Variants in ELMOD1 observed in about 807,000 individuals in gnomAD.
ELMOD1 encodes ELMO domain containing 1, also known as ELMO domain-containing protein 1.
In ELMOD1, 21 loss-of-function variants were observed where a neutral mutation model predicts 46.7. That is an observed-to-expected ratio of 0.45 (90% CI 0.32 to 0.65). ELMOD1 has a LOEUF of 0.65. Ranked by LOEUF, ELMOD1 falls within the 30% of genes least tolerant of loss-of-function variation. The pLI is 0.04. For synonymous variants in ELMOD1, 122 were observed against 138.2 expected (o/e 0.88, Z 0.82); for missense variants, 348 against 407.8 (o/e 0.85, Z 1.26).
rs1866506671 is a variant in ELMOD1, at chr11:107,650,416, A to C, written c.623+13A>C. ...ATCCGAAATGCAGGTAATTGTTGAA[A>C]GTAAAAGATGAATTAGGTTTTATGG... On this transcript the variant is annotated intron_variant, in intron 8 of 11. Coordinates refer to ENST00000265840, the MANE Select transcript of ELMOD1 (RefSeq NM_018712.4). 3 of 1,559,942 alleles carry C rather than the reference A, an allele frequency of 1.9e-6. No homozygotes were observed. The highest frequency in any genetic ancestry group is 2.6e-6 in the Non-Finnish European group (3 of 1,146,342).
chr11:107,617,598 C>T (rs1405969477), intron 1 of ELMOD1, among the ~76,000 whole-genome samples: 1 of 152,186 alleles, frequency 6.6e-6, no homozygotes, highest in African/African-American at 2.4e-5. Context: ...CCTGGGGCAT[C>T]ATTCATTTCT....
chr11:107,647,645 G>A, intron 7 of ELMOD1, 44 bp downstream of exon 7: 1 of 1,591,820 alleles, frequency 6.3e-7, no homozygotes, highest in South Asian at 1.2e-5. Context: ...TGATGTTTTG[G>A]TCTCCTCATA....
Position 107,631,637 on chromosome 11 carries a change from A to T in ELMOD1, c.250A>T (p.Ile84Phe). 1 of 1,562,216 alleles carries T rather than the reference A, an allele frequency of 6.4e-7. No homozygotes were observed. The highest frequency in any genetic ancestry group is 8.7e-7 in the Non-Finnish European group (1 of 1,152,230). ...PDAIEKTIED[I>F]MELKKINPDV... ...CGCTATTGAAAAAACTATAGAAGAT[A>T]TCATGGAACTGAAAAAAATTAATCC... Residue 84 changes from isoleucine (I) to phenylalanine (F), a missense_variant, in exon 5 of 12, where the codon ATC (isoleucine) becomes TTC (phenylalanine). Coordinates refer to ENST00000265840, the MANE Select transcript of ELMOD1 (RefSeq NM_018712.4).
intron 11 of ELMOD1, among the ~76,000 whole-genome samples, chr11:107,664,683 A>T (rs565817359): frequency 5.3e-5 from 8 of 152,126 alleles, no homozygotes; most frequent in Non-Finnish European, 1.2e-4. Context: ...CATTAATTTA[A>T]TTAGGAGGAG....
intron 1 of ELMOD1, among the ~76,000 whole-genome samples, chr11:107,594,472 C>T (rs1565365993): frequency 6.6e-6 from 1 of 152,086 alleles, no homozygotes; most frequent in South Asian, 2.1e-4. Context: ...CAGGAATTAG[C>T]AAATGGTACT....
intron 1 of ELMOD1, chr11:107,592,236 A>G: frequency 3.1e-6 from 1 of 318,536 alleles, no homozygotes; most frequent in Non-Finnish European, 6.2e-6. Flanking sequence ...GCTTCAGATC[A>G]AGTTTAATGA....
At chr11:107,647,737 G>A in intron 7 of ELMOD1, 136 bp downstream of exon 7, 2 of 816,430 alleles carry the variant, frequency 2.4e-6, no homozygotes, top group South Asian at 8.6e-5. Context: ...CCCCTGAGAG[G>A]TCAGGTTCAT....
intron 1 of ELMOD1, among the ~76,000 whole-genome samples, chr11:107,603,534 G>C (rs1865638385): frequency 6.6e-6 from 1 of 151,996 alleles, no homozygotes; most frequent in South Asian, 2.1e-4. Context: ...GCGAGACCCT[G>C]TATTTAAAAA....
chr11:107,627,704 G>T (rs1267692856), intron 2 of ELMOD1, among the ~76,000 whole-genome samples: 1 of 152,128 alleles, frequency 6.6e-6, no homozygotes, highest in South Asian at 2.1e-4. Context: ...TCACAGGGAA[G>T]ACTTTTTGTA....
chr11:107,635,859 G>T (rs1242211599), intron 6 of ELMOD1, 94 bp downstream of exon 6: 15 of 1,296,440 alleles, frequency 1.2e-5, no homozygotes, highest in Middle Eastern at 1.9e-4. Context: ...GACATCAGGG[G>T]TACAAAGATG....
chr11:107,632,333 T>C lies in ELMOD1; in HGVS notation c.290+656T>C, dbSNP rs1279387293. Among the ~76,000 whole-genome samples the C allele has an allele frequency of 5.3e-5, 8 of 152,228 alleles. No homozygotes were observed. In the East Asian group the frequency reaches 1.5e-3, roughly 29 times the overall value. On this transcript the variant is annotated intron_variant, in intron 5 of 11. Coordinates refer to ENST00000265840, the MANE Select transcript of ELMOD1 (RefSeq NM_018712.4). ...GTAGAATAAATTCCAAATGCAGATA[T>C]ATTTAGAGAAGGTTTTAGGTTGGTA...
chr11:107,649,933 C>T (rs898654888), intron 7 of ELMOD1, among the ~76,000 whole-genome samples: 6 of 152,162 alleles, frequency 3.9e-5, no homozygotes, highest in Non-Finnish European at 7.3e-5. Flanking sequence ...CATATCCTCT[C>T]TCATCTCCTC....
At chr11:107,657,784 A>G (rs1591139251) in intron 11 of ELMOD1, among the ~76,000 whole-genome samples, 1 of 152,266 alleles carries the variant, frequency 6.6e-6, no homozygotes, top group African/African-American at 2.4e-5. Flanking sequence ...AATCTATCCC[A>G]GGAGAACAGT....
chr11:107,636,560 A>G (rs565857038), intron 6 of ELMOD1, among the ~76,000 whole-genome samples: 7 of 152,352 alleles, frequency 4.6e-5, no homozygotes, highest in Admixed American at 2.0e-4. Flanking sequence ...TAAAGGCAGT[A>G]ACAAAATTGT....
chr11:107,592,378 C>G (rs754865727), intron 1 of ELMOD1: 1 of 534,500 alleles, frequency 1.9e-6, no homozygotes, highest in Admixed American at 1.9e-5. Context: ...TTGAGTCTGT[C>G]ATTTGGAGAG....
chr11:107,616,039 A>G (rs896027365), intron 1 of ELMOD1, among the ~76,000 whole-genome samples: 1 of 119,368 alleles, frequency 8.4e-6, no homozygotes, highest in Non-Finnish European at 1.6e-5. Context: ...TTTGTTGCCC[A>G]GGCTGGAGTG....
intron 11 of ELMOD1, among the ~76,000 whole-genome samples, chr11:107,656,392 A>C (rs1274108678): frequency 6.9e-6 from 1 of 145,724 alleles, no homozygotes; most frequent in East Asian, 2.0e-4. Flanking sequence ...CATCTCAAAA[A>C]AAATGATATA....
chr11:107,648,324 T>C (rs1462306228), intron 7 of ELMOD1, among the ~76,000 whole-genome samples: 1 of 152,226 alleles, frequency 6.6e-6, no homozygotes, highest in Non-Finnish European at 1.5e-5. Flanking sequence ...TGTCCTGTAA[T>C]ATGTCCCATG....
intron 11 of ELMOD1, among the ~76,000 whole-genome samples, chr11:107,664,252 T>TA (rs5794563): frequency 1.1e-4 from 16 of 148,364 alleles, no homozygotes; most frequent in South Asian, 2.2e-4. Context: ...TATCTAGTAT[T>TA]AAAAAAAAAA....
Sources: allele counts gnomAD v4.1 joint callset (sites outside exome capture counted in the v4.1 genomes callset), GRCh38; gene constraint gnomAD v4.1.1; transcripts MANE v1.5; gene names NCBI Gene and HGNC (gene_info 2026-07-23, HGNC 2026-07-21).